The following FAM168A variants were observed in gnomAD, a reference collection of about 807,000 sequenced individuals.
FAM168A encodes the protein protein FAM168A.
A neutral mutation model predicts 28.5 loss-of-function variants in FAM168A; 3 were observed. The ratio of observed to expected loss-of-function variants is 0.11; its 90% confidence interval spans 0.05 to 0.27. The LOEUF (loss-of-function observed/expected upper bound fraction) is 0.27. FAM168A is among the 10% of genes least tolerant of loss of function. The pLI, the probability that FAM168A is intolerant of heterozygous loss-of-function variation, is 1.00. For missense variants in FAM168A, 222 were observed against 311.5 expected (o/e 0.71, Z 2.16); for synonymous variants, 122 against 124.2 (o/e 0.98, Z 0.12).
rs1943302964 is a variant in FAM168A, at chr11:73,516,233, AAAAGACCT to A, written c.-18-47749_-18-47742del. ...AATATAATATAAAAGGCTTGTAGTC[AAAAGACCT>A]AAATGTGTCCTGGCTCTGTCCTTTA... On this transcript the variant is annotated intron_variant, in intron 1 of 7. Coordinates refer to ENST00000356467, the MANE Select transcript of FAM168A (RefSeq NM_015159.3). Among the ~76,000 whole-genome samples, 3 of 152,228 alleles carry A rather than the reference AAAAGACCT, an allele frequency of 2.0e-5. No individual in the cohort carries two copies. The South Asian group carries it at 6.2e-4, about 32-fold the overall frequency.
intron 1 of FAM168A, among the ~76,000 whole-genome samples, chr11:73,594,096 T>C (rs1345548410): frequency 1.3e-5 from 2 of 152,118 alleles, no homozygotes; most frequent in Non-Finnish European, 2.9e-5. Context: ...GACAGCCTTG[T>C]GAAGTATGAA....
At chr11:73,465,967 G>C (rs1057271966) in intron 2 of FAM168A, among the ~76,000 whole-genome samples, 4 of 150,714 alleles carry the variant, frequency 2.7e-5, no homozygotes, top group East Asian at 3.9e-4. Flanking sequence ...TTAAAAGGGA[G>C]AGAGAGAGAG....
chr11:73,438,611 T>G (rs1039507007), intron 2 of FAM168A, among the ~76,000 whole-genome samples: 4 of 152,046 alleles, frequency 2.6e-5, no homozygotes, highest in African/African-American at 9.7e-5. Context: ...GGGATGGAAT[T>G]AATCAAAAAA....
chr11:73,484,676 G>A (rs61896594), intron 1 of FAM168A, among the ~76,000 whole-genome samples: 55,890 of 143,786 alleles, frequency 0.39, 12,515 homozygotes, highest in African/African-American at 0.63. Flanking sequence ...ATATAGATAT[G>A]TATCGCTATA....
At chr11:73,511,741 CTATT>C (rs1180489141) in intron 1 of FAM168A, among the ~76,000 whole-genome samples, 3 of 152,116 alleles carry the variant, frequency 2.0e-5, no homozygotes, top group African/African-American at 7.2e-5. Flanking sequence ...GTTGTGCAAG[CTATT>C]TAACATCTCC....
chr11:73,419,454 C>A (rs1329457438), intron 4 of FAM168A, among the ~76,000 whole-genome samples: 2 of 152,204 alleles, frequency 1.3e-5, no homozygotes, highest in Non-Finnish European at 2.9e-5. Context: ...CTATAATGCA[C>A]AGGACAGCGC....
At chr11:73,589,329 G>C (rs1719684134) in intron 1 of FAM168A, among the ~76,000 whole-genome samples, 1 of 152,096 alleles carries the variant, frequency 6.6e-6, no homozygotes, top group Non-Finnish European at 1.5e-5. Flanking sequence ...AAAGCTCAGT[G>C]ATATGGTTCA....
At chr11:73,472,053 C>T (rs915603180) in intron 1 of FAM168A, among the ~76,000 whole-genome samples, 4 of 152,030 alleles carry the variant, frequency 2.6e-5, no homozygotes, top group South Asian at 2.1e-4. Context: ...ACTGCACATA[C>T]GAAGGAATCT....
chr11:73,525,021 ATT>A (rs11292586), intron 1 of FAM168A, among the ~76,000 whole-genome samples: 45 of 143,594 alleles, frequency 3.1e-4, no homozygotes, highest in African/African-American at 4.8e-4. Flanking sequence ...GTTTTTTGCA[ATT>A]TTTTTTTTTT....
At chr11:73,459,102 T>C (rs1867593145) in intron 2 of FAM168A, among the ~76,000 whole-genome samples, 1 of 150,926 alleles carries the variant, frequency 6.6e-6, no homozygotes. Flanking sequence ...TTTGTTTTTA[T>C]AGACGGGGTC....
At chr11:73,553,766 G>A (rs994641976) in intron 1 of FAM168A, among the ~76,000 whole-genome samples, 7 of 151,954 alleles carry the variant, frequency 4.6e-5, no homozygotes, top group Non-Finnish European at 1.0e-4. Context: ...CAGATGGATT[G>A]AGCCTAGGAG....
At chr11:73,597,604 C>T (rs1944451761) in intron 1 of FAM168A, among the ~76,000 whole-genome samples, 1 of 151,892 alleles carries the variant, frequency 6.6e-6, no homozygotes. Context: ...ACCCTAGTCT[C>T]ATCTTCCACC....
intron 2 of FAM168A, among the ~76,000 whole-genome samples, chr11:73,455,738 C>G (rs1402486557): frequency 6.6e-6 from 1 of 152,148 alleles, no homozygotes; most frequent in Non-Finnish European, 1.5e-5. Context: ...TTCATCCAGT[C>G]CAGTCATTTA....
chr11:73,435,693 AT>A (rs1369441279), intron 2 of FAM168A, among the ~76,000 whole-genome samples: 3 of 152,120 alleles, frequency 2.0e-5, no homozygotes. Context: ...CACACCTGTA[AT>A]CTCAACACTC....
chr11:73,539,958 G>A (rs1369403115), intron 1 of FAM168A, among the ~76,000 whole-genome samples: 1 of 152,220 alleles, frequency 6.6e-6, no homozygotes, highest in African/African-American at 2.4e-5. Flanking sequence ...ATCCAGTGAT[G>A]AGGAAAGATG....
intron 2 of FAM168A, among the ~76,000 whole-genome samples, chr11:73,461,273 C>T (rs11235766): frequency 0.03 from 4,495 of 152,202 alleles, 220 homozygotes; most frequent in African/African-American, 0.1. Context: ...GGTGCCACCA[C>T]ACCCAGCTAA....
At chr11:73,408,859 C>G (rs936577400) in intron 6 of FAM168A, among the ~76,000 whole-genome samples, 1 of 151,764 alleles carries the variant, frequency 6.6e-6, no homozygotes, top group African/African-American at 2.4e-5. Context: ...AATTATTGCA[C>G]AGGTCCTTAA....
chr11:73,545,788 G>A (rs1398736078), intron 1 of FAM168A, among the ~76,000 whole-genome samples: 1 of 148,718 alleles, frequency 6.7e-6, no homozygotes, highest in Non-Finnish European at 1.5e-5. Flanking sequence ...GGCTCAAGTG[G>A]TCCACTTGCC....
At chr11:73,513,717 T>C (rs1160735203) in intron 1 of FAM168A, among the ~76,000 whole-genome samples, 1 of 152,070 alleles carries the variant, frequency 6.6e-6, no homozygotes, top group Non-Finnish European at 1.5e-5. Flanking sequence ...CAACAAATCG[T>C]TTTTATATTA....
Sources: gnomAD v4.1 joint callset for allele counts (sites outside exome capture counted in the v4.1 genomes callset) on GRCh38, gnomAD v4.1.1 for gene constraint, MANE v1.5 for transcripts, NCBI Gene and HGNC (gene_info 2026-07-23, HGNC 2026-07-21) for gene names.